ATP10A: variants seen among roughly 807,000 people sequenced by gnomAD.
ATP10A encodes ATPase phospholipid transporting 10A (putative), also known as phospholipid-transporting ATPase VA.
In ATP10A, 111 loss-of-function variants were observed where a neutral mutation model predicts 147.8. The observed-to-expected ratio is 0.75, with a 90% confidence interval of 0.64 to 0.88. ATP10A has a LOEUF of 0.88. ATP10A is among the 40% of genes least tolerant of loss of function. ATP10A has a pLI of 0.00. For missense variants in ATP10A, 1,927 were observed against 1,959.0 expected (o/e 0.98, Z 0.31); for synonymous variants, 875 against 841.6 (o/e 1.04, Z -0.69).
Position 25,810,521 on chromosome 15 carries a change from A to G in ATP10A, c.450-29298T>C, listed in dbSNP as rs370684905. ...TGCCACTGGGACTCTGGGCACGGGG[A>G]CTGTTTTGCAAAAGTTGAAAACACA... is the stretch of plus-strand genomic sequence containing the variant. On this transcript the variant is annotated intron_variant, in intron 1 of 20. Coordinates refer to ENST00000555815, the MANE Select transcript of ATP10A (RefSeq NM_024490.4). Among the ~76,000 whole-genome samples, 11 of 152,268 alleles carry G rather than the reference A, an allele frequency of 7.2e-5. No homozygotes were observed. The Middle Eastern group carries it at 0.014, about 190-fold the overall frequency.
chr15:25,712,110 G>A (rs1246580108), intron 10 of ATP10A, among the ~76,000 whole-genome samples: 2 of 152,208 alleles, frequency 1.3e-5, no homozygotes, highest in Non-Finnish European at 2.9e-5. Flanking sequence ...GAGTGAGCAG[G>A]TCGTGACGCT....
intron 12 of ATP10A, among the ~76,000 whole-genome samples, chr15:25,703,802 T>C (rs1900811154): frequency 6.6e-6 from 1 of 152,238 alleles, no homozygotes; most frequent in Non-Finnish European, 1.5e-5. Flanking sequence ...GCTGATCTGC[T>C]GTCTTCCAGC....
At chr15:25,743,363 A>T (rs1887671707) in intron 2 of ATP10A, among the ~76,000 whole-genome samples, 1 of 152,250 alleles carries the variant, frequency 6.6e-6, no homozygotes, top group Non-Finnish European at 1.5e-5. Context: ...CGACTGGGCA[A>T]TTTGGACCAA....
intron 12 of ATP10A, among the ~76,000 whole-genome samples, chr15:25,706,044 C>A (rs566505506): frequency 5.9e-5 from 9 of 152,204 alleles, no homozygotes; most frequent in Non-Finnish European, 8.8e-5. Context: ...CGACTCCAAT[C>A]AGAGGAAGTG....
At chr15:25,691,649 C>T in intron 15 of ATP10A, 66 bp downstream of exon 15, 1 of 1,543,676 alleles carries the variant, frequency 6.5e-7, no homozygotes, top group South Asian at 1.1e-5. Context: ...GGACAGCCCA[C>T]AGGGTGACAG....
downstream of ATP10A, among the ~76,000 whole-genome samples, chr15:25,673,921 G>A (rs1434624495): frequency 6.6e-6 from 1 of 152,172 alleles, no homozygotes; most frequent in Non-Finnish European, 1.5e-5. Flanking sequence ...GGAGACAGCT[G>A]TGAGTGTGTA....
chr15:25,696,012 G>A (rs987717490), intron 13 of ATP10A, among the ~76,000 whole-genome samples: 2 of 152,018 alleles, frequency 1.3e-5, no homozygotes, highest in Non-Finnish European at 2.9e-5. Context: ...GAAAACCTAC[G>A]GTGGTAGCAG....
intron 2 of ATP10A, among the ~76,000 whole-genome samples, chr15:25,754,535 TTA>T (rs1888319071): frequency 6.6e-6 from 1 of 152,076 alleles, no homozygotes; most frequent in South Asian, 2.1e-4. Context: ...TTCTTTTTTC[TTA>T]CACACACACG....
At position 25,814,129 on chromosome 15, in the gene ATP10A, A is replaced by T. The variant is rs548153564; in HGVS notation, c.450-32906T>A. ...AAATCAATGATAGGAAAAATCTTGA[A>T]AACTGAGAAAAAAATATTAATACCT... On this transcript the variant is annotated intron_variant, in intron 1 of 20. Transcript: ENST00000555815. Among the ~76,000 whole-genome samples the T allele has an allele frequency of 9.2e-5, 14 of 152,290 alleles. No individual in the cohort carries two copies. The South Asian group carries it at 2.7e-3, about 29-fold the overall frequency.
chr15:25,785,125 C>T (rs556621355), intron 1 of ATP10A, among the ~76,000 whole-genome samples: 7 of 152,204 alleles, frequency 4.6e-5, no homozygotes, highest in Admixed American at 2.6e-4. Flanking sequence ...CGGCAAGGAG[C>T]CTGGGCCCAC....
intron 2 of ATP10A, among the ~76,000 whole-genome samples, chr15:25,775,069 T>C (rs1173346053): frequency 6.6e-6 from 1 of 152,216 alleles, no homozygotes; most frequent in East Asian, 1.9e-4. Context: ...CTGTCTTTAT[T>C]TTCCACTTAG....
At chr15:25,855,541 A>AACACACAC (rs59597825) in intron 1 of ATP10A, among the ~76,000 whole-genome samples, 28,636 of 145,852 alleles carry the variant, frequency 0.2, 3,130 homozygotes, top group Middle Eastern at 0.3. Flanking sequence ...TATTGGTTAA[A>AACACACAC]ACACACACAC....
chr15:25,716,969 C>T (rs755018544), intron 8 of ATP10A, 45 bp from the exon 9 acceptor site: 1 of 1,461,412 alleles, frequency 6.8e-7, no homozygotes, highest in Non-Finnish European at 9.1e-7. Flanking sequence ...CAGTAGCCTG[C>T]CGAGGATCTT....
rs1899217691 is a variant in ATP10A, at chr15:25,679,135, T to G, written c.*206A>C. On this transcript the variant is annotated 3_prime_UTR_variant, in exon 21 of 21. Coordinates refer to ENST00000555815, the MANE Select transcript of ATP10A (RefSeq NM_024490.4). Reference sequence around the variant, plus strand: ...AGTGTTACTCTTCTTTAAACTTTTATATATGTTAAGGCTCTTCTTTTTCTT... The same window carrying G: ...AGTGTTACTCTTCTTTAAACTTTTAGATATGTTAAGGCTCTTCTTTTTCTT... 1 of 295,530 alleles carries G rather than the reference T, an allele frequency of 3.4e-6. No homozygotes were observed. The allele number at this position is 295,530 out of a possible 1,614,324, so 18.3% of individuals were successfully genotyped here.
chr15:25,808,069 C>T (rs1020899761), intron 1 of ATP10A, among the ~76,000 whole-genome samples: 1 of 152,178 alleles, frequency 6.6e-6, no homozygotes, highest in Admixed American at 6.5e-5. Flanking sequence ...GAACACACCT[C>T]GAGATTTAAC....
intron 15 of ATP10A, 45 bp downstream of exon 15, chr15:25,691,667 GGTC>G (rs775390967): frequency 1.3e-6 from 2 of 1,591,080 alleles, no homozygotes; most frequent in Admixed American, 3.3e-5. Context: ...CAGGACAAGA[GGTC>G]AGTAGGGCCA....
At chr15:25,837,194 AGG>A (rs1256489568) in intron 1 of ATP10A, among the ~76,000 whole-genome samples, 1 of 152,204 alleles carries the variant, frequency 6.6e-6, no homozygotes, top group Non-Finnish European at 1.5e-5. Flanking sequence ...TTAGACCTTG[AGG>A]CTTATTTTTC....
At chr15:25,708,365 TC>T (rs1901179496) in intron 10 of ATP10A, 65 bp from the exon 11 acceptor site, 2 of 1,422,852 alleles carry the variant, frequency 1.4e-6, no homozygotes, top group Admixed American at 3.4e-5. Flanking sequence ...CTTCAGACAC[TC>T]CGAGATTTAC....
intron 1 of ATP10A, among the ~76,000 whole-genome samples, chr15:25,839,291 A>G (rs1477403267): frequency 6.6e-6 from 1 of 152,208 alleles, no homozygotes; most frequent in Non-Finnish European, 1.5e-5. Flanking sequence ...ACATTAAAAT[A>G]AAGTACTTTT....
Sources: gnomAD v4.1 joint callset for allele counts (sites outside exome capture counted in the v4.1 genomes callset) on GRCh38, gnomAD v4.1.1 for gene constraint, MANE v1.5 for transcripts, NCBI Gene and HGNC (gene_info 2026-07-23, HGNC 2026-07-21) for gene names.